Variants in TXLNG observed in about 807,000 individuals in gnomAD.
TXLNG encodes the protein taxilin gamma.
Under a neutral mutation model 38.8 loss-of-function variants are expected in TXLNG, and 5 were observed. The observed-to-expected ratio is 0.13, with a 90% CI of 0.07 to 0.27. The LOEUF (loss-of-function observed/expected upper bound fraction) is 0.27. Ranked by LOEUF, TXLNG falls within the 10% of genes least tolerant of loss-of-function variation. The probability of loss-of-function intolerance (pLI) is 1.00; values close to 1 mark genes in which losing one functional copy is unlikely to be tolerated. For missense variants in TXLNG, 393 were observed against 398.2 expected (o/e 0.99, Z 0.11); for synonymous variants, 182 against 158.2 (o/e 1.15, Z -1.13).
At chrX:16,808,694 C>T (rs760851021) in intron 1 of TXLNG, among the ~76,000 whole-genome samples, 1 of 111,629 alleles carries the variant, frequency 9.0e-6, no homozygotes, top group East Asian at 2.8e-4. Context: ...GTGTCCTTAC[C>T]AGTAATTATA....
At position 16,806,266 on chromosome X, in the gene TXLNG, A is replaced by T. The variant is rs927704930; in HGVS notation, c.103-12308A>T. ...GAACGTTTATGTTTTATAAAACCAA[A>T]TAAGGCCAGTAGCTGATGCCCCGAG... On this transcript the variant is annotated intron_variant, in intron 1 of 9. Transcript: ENST00000380122. Among the ~76,000 whole-genome samples the T allele has an allele frequency of 2.7e-5, 3 of 112,438 alleles. No homozygotes were observed. The Admixed American group carries it at 2.9e-4, about 11-fold the overall frequency.
chrX:16,820,975 TAGCCAGG>T, intron 3 of TXLNG, among the ~76,000 whole-genome samples: 1 of 108,780 alleles, frequency 9.2e-6, no homozygotes, highest in South Asian at 4.0e-4. Context: ...TTCACCGTGT[TAGCCAGG>T]ATGGTCTTGA....
At chrX:16,799,821 C>CT (rs1928020733) in intron 1 of TXLNG, among the ~76,000 whole-genome samples, 2 of 111,825 alleles carry the variant, frequency 1.8e-5, no homozygotes, top group South Asian at 7.5e-4. Flanking sequence ...TTTTTTATTC[C>CT]TTTTTTTCAC....
At chrX:16,823,326 C>T (rs1929044448) in intron 3 of TXLNG, among the ~76,000 whole-genome samples, 2 of 108,125 alleles carry the variant, frequency 1.8e-5, no homozygotes, top group African/African-American at 6.8e-5. Flanking sequence ...GGCGTGGTGG[C>T]GCATACCTGT....
At chrX:16,786,710 C>T (rs1266568607) in intron 1 of TXLNG, 121 bp downstream of exon 1, 1 of 220,679 alleles carries the variant, frequency 4.5e-6, no homozygotes, top group South Asian at 1.4e-4. Flanking sequence ...ATCCGGTCTT[C>T]TTCCCTCCCG....
At chrX:16,828,366 A>AAG in intron 4 of TXLNG, 102 bp downstream of exon 4, 4 of 836,908 alleles carry the variant, frequency 4.8e-6, no homozygotes, top group Non-Finnish European at 4.9e-6. Context: ...ACTTGGAGAC[A>AAG]GATACTGCCT....
intron 3 of TXLNG, among the ~76,000 whole-genome samples, chrX:16,820,762 G>C (rs1422684706): frequency 8.9e-6 from 1 of 112,035 alleles, no homozygotes; most frequent in Non-Finnish European, 1.9e-5. Flanking sequence ...TTTGTTCTCA[G>C]CTATATTATT....
chrX:16,797,281 CAA>C (rs199860750), intron 1 of TXLNG, among the ~76,000 whole-genome samples: 87 of 85,384 alleles, frequency 1.0e-3, no homozygotes, highest in Non-Finnish European at 5.9e-4. Flanking sequence ...AAGACTGTCT[CAA>C]AAAAAAAAAA....
chrX:16,788,675 T>TTTTG (rs1256545447), intron 1 of TXLNG, among the ~76,000 whole-genome samples: 1 of 100,991 alleles, frequency 9.9e-6, no homozygotes, highest in African/African-American at 3.6e-5. Context: ...GTGTTTTTTT[T>TTTTG]TTTTTTTTTT....
At chrX:16,797,912 G>T (rs1927947564) in intron 1 of TXLNG, among the ~76,000 whole-genome samples, 1 of 111,598 alleles carries the variant, frequency 9.0e-6, no homozygotes, top group African/African-American at 3.3e-5. Context: ...TCACATTTTT[G>T]CAGATCTCTA....
At chrX:16,821,981 G>A (rs1322151548) in intron 3 of TXLNG, among the ~76,000 whole-genome samples, 2 of 108,219 alleles carry the variant, frequency 1.8e-5, no homozygotes, top group South Asian at 4.1e-4. Flanking sequence ...GCAACGGAGC[G>A]AGACTCCATC....
chrX:16,842,807 A>G lies in TXLNG; in HGVS notation c.*1041A>G, dbSNP rs1045899021. On this transcript the variant is annotated 3_prime_UTR_variant, in exon 10 of 10. Transcript: ENST00000380122. ...CATTTCCAAAACAAACACTGGCACC[A>G]ACATTTTTACTTTGGGAAGACTTGG... 8.9e-6 allele frequency: 1 copy of G among 112,232 alleles called. No individual in the cohort carries two copies. Among genetic ancestry groups the G allele is most frequent in the African/African-American group, 3.2e-5 (1 of 30,818 alleles). 9.2% of individuals were successfully genotyped at this position (112,232 alleles called of 1,213,427 possible). A position where few individuals can be genotyped will look rare whatever the true frequency, so the allele number is the denominator to read the frequency against.
chrX:16,832,497 G>T, intron 5 of TXLNG, 126 bp from the exon 6 acceptor site: 1 of 912,639 alleles, frequency 1.1e-6, no homozygotes, highest in Non-Finnish European at 1.5e-6. Flanking sequence ...GAGAGCTGGT[G>T]TTCTTAGCTG....
In TXLNG at chrX:16,805,272, C is replaced by T. The variant is rs772145897; in HGVS notation, c.103-13302C>T. ...TGTTGGGATTACAGGCGTGAGCCAC[C>T]GCACCCGCCCTCCACCCCCTTTTTA... On this transcript the variant is annotated intron_variant, in intron 1 of 9. Transcript: ENST00000380122. 1.4e-3 allele frequency among the ~76,000 whole-genome samples: 155 copies of T among 108,531 alleles called. 1 individual carries two copies. The highest frequency in any genetic ancestry group is 2.8e-3 in the South Asian group (7 of 2,505). The allele number at this position is 108,531 out of a possible 115,157, so 94.2% of individuals were successfully genotyped here. A position where few individuals can be genotyped will look rare whatever the true frequency, so the allele number is the denominator to read the frequency against.
intron 3 of TXLNG, among the ~76,000 whole-genome samples, chrX:16,822,644 A>G (rs1929019520): frequency 8.9e-6 from 1 of 112,201 alleles, no homozygotes; most frequent in Non-Finnish European, 1.9e-5. Flanking sequence ...ACAAGAACAG[A>G]AAAGGGAAAA....
intron 1 of TXLNG, among the ~76,000 whole-genome samples, chrX:16,815,042 C>G (rs1158652839): frequency 8.9e-6 from 1 of 111,993 alleles, no homozygotes; most frequent in East Asian, 2.8e-4. Context: ...CCCCTTTTTT[C>G]TACGAATTTC....
intron 6 of TXLNG, among the ~76,000 whole-genome samples, chrX:16,833,760 C>G (rs1929497605): frequency 1.8e-5 from 2 of 111,681 alleles, no homozygotes; most frequent in Admixed American, 1.9e-4. Flanking sequence ...GCCTACTATG[C>G]AACTTTGTGA....
chrX:16,831,173 C>T (rs894292434), intron 5 of TXLNG, among the ~76,000 whole-genome samples: 2 of 112,123 alleles, frequency 1.8e-5, no homozygotes, highest in Admixed American at 1.9e-4. Flanking sequence ...ATGGCTCACG[C>T]CTGTAATCCC....
chrX:16,793,827 T>G (rs1189513436), intron 1 of TXLNG, among the ~76,000 whole-genome samples: 1 of 109,388 alleles, frequency 9.1e-6, no homozygotes, highest in Non-Finnish European at 1.9e-5. Flanking sequence ...TTTCTTTTTT[T>G]TGAGAGACAG....
Sources: allele counts gnomAD v4.1 joint callset (sites outside exome capture counted in the v4.1 genomes callset), GRCh38; gene constraint gnomAD v4.1.1; transcripts MANE v1.5; gene names NCBI Gene and HGNC (gene_info 2026-07-23, HGNC 2026-07-21).